LARGE1: variants seen among roughly 807,000 people sequenced by gnomAD.
The protein encoded by LARGE1 is LARGE xylosyl- and glucuronyltransferase 1.
In LARGE1, 43 loss-of-function variants were observed where a neutral mutation model predicts 87.6. The ratio of observed to expected loss-of-function variants is 0.49; its 90% CI spans 0.38 to 0.63. The LOEUF (loss-of-function observed/expected upper bound fraction) is 0.63, where lower values mean the gene tolerates loss of function less well. LARGE1 is among the 30% of genes least tolerant of loss of function. The probability of loss-of-function intolerance (pLI) is 0.00; values close to 1 mark genes in which losing one functional copy is unlikely to be tolerated. For missense variants in LARGE1, 802 were observed against 1,000.2 expected (o/e 0.80, Z 2.67); for synonymous variants, 434 against 394.6 (o/e 1.10, Z -1.18).
intron 11 of LARGE1, among the ~76,000 whole-genome samples, chr22:33,183,993 G>C (rs1230118391): frequency 2.0e-5 from 3 of 149,936 alleles, no homozygotes; most frequent in Admixed American, 6.7e-5. Flanking sequence ...TAAGAGAGCA[G>C]ATTTTAAGTG....
chr22:33,198,167 C>T lies in LARGE1; in HGVS notation c.1731-31335G>A, dbSNP rs1189639031. 3.9e-5 allele frequency among the ~76,000 whole-genome samples: 6 copies of T among 152,160 alleles called. No homozygotes were observed. In the East Asian group the frequency reaches 7.7e-4, roughly 20 times the overall value. On this transcript the variant is annotated intron_variant, in intron 11 of 11. Transcript: ENST00000608642. ...GTGGGTGGGGGGAACAGGAGAAAGA[C>T]ATTGATTAGGAAAATAATTTTTAAA... is the stretch of plus-strand genomic sequence containing the variant.
chr22:33,674,156 C>T (rs2081498313), intron 2 of LARGE1, among the ~76,000 whole-genome samples: 1 of 152,052 alleles, frequency 6.6e-6, no homozygotes, highest in African/African-American at 2.4e-5. Flanking sequence ...GTTGGCCATA[C>T]TGGTCTCGAG....
chr22:33,576,804 G>A (rs1181896823), intron 5 of LARGE1, among the ~76,000 whole-genome samples: 1 of 152,150 alleles, frequency 6.6e-6, no homozygotes, highest in Non-Finnish European at 1.5e-5. Context: ...ATCATCCCTA[G>A]AGTGCTTATT....
rs185142940 is a variant in LARGE1, at chr22:33,789,142, C to A, written c.-82-27584G>T. 7.2e-3 allele frequency among the ~76,000 whole-genome samples: 1,095 copies of A among 152,244 alleles called. 11 individuals carry two copies. Among genetic ancestry groups the A allele is most frequent in the South Asian group, 0.019 (90 of 4,826 alleles). On this transcript the variant is annotated intron_variant, in intron 1 of 14. Coordinates refer to ENST00000397394, the MANE Select transcript of LARGE1 (RefSeq NM_133642.5). ...ATGGTTTCGTGGGTCAGGCCCAGGG[C>A]CTTGCTGCTTTCTGCTGTCTCAGGA...
At chr22:33,292,602 G>C (rs536538758) in intron 12 of LARGE1, among the ~76,000 whole-genome samples, 1 of 152,118 alleles carries the variant, frequency 6.6e-6, no homozygotes, top group African/African-American at 2.4e-5. Flanking sequence ...ATAAACAGGA[G>C]AGTCCACGCC....
chr22:33,188,022 A>G (rs1923579769), intron 11 of LARGE1, among the ~76,000 whole-genome samples: 2 of 147,786 alleles, frequency 1.4e-5, no homozygotes, highest in African/African-American at 4.9e-5. Flanking sequence ...GGTAATGTCT[A>G]TATTAATTAG....
intron 2 of LARGE1, among the ~76,000 whole-genome samples, chr22:33,656,262 G>T (rs971425664): frequency 6.6e-6 from 1 of 152,134 alleles, no homozygotes; most frequent in Non-Finnish European, 1.5e-5. Context: ...GAAAGGTGAG[G>T]GAAGAACAAA....
intron 1 of LARGE1, among the ~76,000 whole-genome samples, chr22:33,830,905 C>T (rs2062945422): frequency 6.6e-6 from 1 of 152,230 alleles, no homozygotes; most frequent in Admixed American, 6.5e-5. Flanking sequence ...TATATAAAAG[C>T]ATTAATCTCA....
At chr22:33,803,548 T>C (rs142501931) in intron 1 of LARGE1, among the ~76,000 whole-genome samples, 1 of 152,288 alleles carries the variant, frequency 6.6e-6, no homozygotes, top group East Asian at 1.9e-4. Context: ...ACTCAGCATG[T>C]AGATGTGGCT....
At chr22:33,677,254 C>T (rs1425907336) in intron 2 of LARGE1, among the ~76,000 whole-genome samples, 5 of 148,958 alleles carry the variant, frequency 3.4e-5, no homozygotes, top group Non-Finnish European at 7.4e-5. Context: ...TGTAACAGCT[C>T]CTAGTGTGAT....
rs145563503 is a variant in LARGE1, at chr22:33,340,045, G to A, written c.1132-2244C>T. On this transcript the variant is annotated intron_variant, in intron 9 of 14. Coordinates refer to ENST00000397394, the MANE Select transcript of LARGE1 (RefSeq NM_133642.5). Reference sequence around the variant, plus strand: ...TAATATCTGGTGGCATTCATTGTTAGTATTAAAAATGATTCATTATTACTA... The same window carrying A: ...TAATATCTGGTGGCATTCATTGTTAATATTAAAAATGATTCATTATTACTA... Among the ~76,000 whole-genome samples the A allele has an allele frequency of 2.5e-3, 377 of 148,912 alleles. 13 individuals carry two copies. Among genetic ancestry groups the A allele is most frequent in the African/African-American group, 8.7e-3 (335 of 38,480 alleles).
intron 11 of LARGE1, among the ~76,000 whole-genome samples, chr22:33,173,328 G>A (rs1206946219): frequency 1.3e-5 from 2 of 152,138 alleles, no homozygotes; most frequent in Non-Finnish European, 2.9e-5. Flanking sequence ...CACCAAGCCT[G>A]CCTTACAAAA....
intron 2 of LARGE1, among the ~76,000 whole-genome samples, chr22:33,693,842 AAAAG>A (rs2082168989): frequency 1.3e-5 from 2 of 152,158 alleles, no homozygotes. Flanking sequence ...AAAGAAAAAA[AAAAG>A]AGAGAGAAAA....
At chr22:33,837,778 G>C (rs2063152533) in intron 1 of LARGE1, among the ~76,000 whole-genome samples, 1 of 152,246 alleles carries the variant, frequency 6.6e-6, no homozygotes, top group Non-Finnish European at 1.5e-5. Flanking sequence ...TGAGCCTCAG[G>C]TGTGCTAAGG....
intron 2 of LARGE1, among the ~76,000 whole-genome samples, chr22:33,760,786 G>A (rs900577333): frequency 6.6e-6 from 1 of 152,288 alleles, no homozygotes; most frequent in East Asian, 1.9e-4. Context: ...TGAGTGTGGT[G>A]GCGGGCACCT....
At chr22:33,634,190 T>C (rs2080194734) in intron 3 of LARGE1, among the ~76,000 whole-genome samples, 1 of 152,200 alleles carries the variant, frequency 6.6e-6, no homozygotes, top group African/African-American at 2.4e-5. Context: ...GGGGACATAA[T>C]CTTAAAGTGC....
At chr22:33,604,942 T>G (rs695366) in intron 4 of LARGE1, among the ~76,000 whole-genome samples, 39,995 of 151,470 alleles carry the variant, frequency 0.26, 5,452 homozygotes, top group South Asian at 0.31. Context: ...AACAATGTAG[T>G]GTAAGTTTTT....
chr22:33,320,713 C>A (rs991084355), intron 10 of LARGE1, among the ~76,000 whole-genome samples: 7 of 152,300 alleles, frequency 4.6e-5, no homozygotes, highest in Admixed American at 3.9e-4. Flanking sequence ...TCAATAAGCC[C>A]ATTCTTCAGC....
intron 6 of LARGE1, among the ~76,000 whole-genome samples, chr22:33,466,389 C>G (rs1243727370): frequency 1.3e-5 from 2 of 151,200 alleles, no homozygotes; most frequent in Non-Finnish European, 1.5e-5. Context: ...CTCTCTCTCT[C>G]TCTGTCATAC....
Sources: gnomAD v4.1 joint callset for allele counts (sites outside exome capture counted in the v4.1 genomes callset) on GRCh38, gnomAD v4.1.1 for gene constraint, MANE v1.5 for transcripts, NCBI Gene and HGNC (gene_info 2026-07-23, HGNC 2026-07-21) for gene names.